Variants in STRN observed in about 807,000 individuals in gnomAD.
The protein encoded by STRN is protein phosphatase 2 regulatory subunit B'''alpha.
In STRN, 53 loss-of-function variants were observed where a neutral mutation model predicts 96.3. The ratio of observed to expected loss-of-function variants is 0.55; its 90% CI spans 0.44 to 0.69. The LOEUF is 0.69. STRN is among the 30% of genes least tolerant of loss of function. STRN has a pLI of 0.00. For missense variants in STRN, 987 were observed against 963.9 expected, an observed-to-expected ratio of 1.02 and a Z score of -0.32; for synonymous variants, 428 against 355.9, an observed-to-expected ratio of 1.20 and a Z score of -2.28.
At chr2:36,947,546 C>A (rs1308312080) in intron 1 of STRN, among the ~76,000 whole-genome samples, 1 of 148,124 alleles carries the variant, frequency 6.8e-6, no homozygotes, top group Non-Finnish European at 1.5e-5. Flanking sequence ...AACTCGGGAA[C>A]ATATATATTA....
intron 1 of STRN, among the ~76,000 whole-genome samples, chr2:36,939,766 G>A (rs566869971): frequency 6.6e-6 from 1 of 152,234 alleles, no homozygotes; most frequent in Non-Finnish European, 1.5e-5. Context: ...GTAAGCATTT[G>A]CTGAACAGAA....
chr2:36,866,101 C>T (rs1441394132), intron 12 of STRN, among the ~76,000 whole-genome samples: 5 of 151,956 alleles, frequency 3.3e-5, no homozygotes, highest in African/African-American at 1.2e-4. Context: ...GACAGGGTAT[C>T]GCTCGCTCTG....
At chr2:36,891,801 A>T (rs1669406876) in intron 7 of STRN, among the ~76,000 whole-genome samples, 1 of 152,196 alleles carries the variant, frequency 6.6e-6, no homozygotes, top group South Asian at 2.1e-4. Context: ...CCTTGAACTT[A>T]TCTAGGAGAG....
At chr2:36,897,889 C>T (rs1669587678) in intron 6 of STRN, among the ~76,000 whole-genome samples, 1 of 151,920 alleles carries the variant, frequency 6.6e-6, no homozygotes, top group Non-Finnish European at 1.5e-5. Flanking sequence ...TGGGGTCTTG[C>T]TATGTTGCCT....
rs1225324047 is a variant in STRN, at chr2:36,846,501, T to C, written c.*2955A>G. On this transcript the variant is annotated 3_prime_UTR_variant, in exon 18 of 18. Transcript: ENST00000263918. ...TAAAATATACATACATTTTAGACAT[T>C]TTCAAATAAATCTTCATCATTATCT... 2 of 144,312 alleles carry C rather than the reference T, an allele frequency of 1.4e-5. No individual in the cohort carries two copies. Among genetic ancestry groups the C allele is most frequent in the East Asian group, 4.0e-4 (2 of 5,046 alleles). 8.9% of individuals were successfully genotyped at this position (144,312 alleles called of 1,614,324 possible).
rs778312778 is a variant in STRN at position 36,899,555 on chromosome 2, C to T, written c.763G>A (p.Gly255Arg). The change falls in exon 6 of 18, where the codon GGA (glycine) becomes AGA (arginine). Residue 255 changes from glycine (G) to arginine (R), a missense_variant. Gly to Arg is a moderately radical substitution (Grantham distance 125). Transcript: ENST00000263918. ...GTATCAATGACGCTTTTCTCTCTTC[C>T]ATCAACATCATCATCTTCATCTTCA... The part of the protein sequence containing the change: ...SDEDEDDDVD[G>R]REKSVIDTST... 1 of 1,612,880 alleles carries T rather than the reference C, an allele frequency of 6.2e-7. No individual in the cohort carries two copies. Among genetic ancestry groups the T allele is most frequent in the South Asian group, 1.1e-5 (1 of 90,880 alleles).
At chr2:36,934,787 G>A (rs1670660360) in intron 1 of STRN, among the ~76,000 whole-genome samples, 1 of 152,002 alleles carries the variant, frequency 6.6e-6, no homozygotes, top group African/African-American at 2.4e-5. Context: ...AATCAAAGTA[G>A]TCAATTAGGC....
At position 36,846,544 on chromosome 2, in the gene STRN, CAAG is replaced by C. The variant is rs1274800902; in HGVS notation, c.*2909_*2911del. ...CATTATCTCCAAAAGAAATTTATAG[CAAG>C]AATACTGAAGGAATGAAAGTCAGAT... is the stretch of plus-strand genomic sequence containing the variant. On this transcript the variant is annotated 3_prime_UTR_variant, in exon 18 of 18. Transcript: ENST00000263918. The C allele has an allele frequency of 6.8e-6, 1 of 147,576 alleles. No individual in the cohort carries two copies. The highest frequency in any genetic ancestry group is 2.1e-4 in the South Asian group (1 of 4,670). The allele number at this position is 147,576 out of a possible 1,614,324, so 9.1% of individuals were successfully genotyped here. A position where few individuals can be genotyped will look rare whatever the true frequency, so the allele number is the denominator to read the frequency against.
intron 9 of STRN, among the ~76,000 whole-genome samples, chr2:36,879,318 C>T (rs1669005947): frequency 6.6e-6 from 1 of 151,186 alleles, no homozygotes; most frequent in South Asian, 2.1e-4. Context: ...GATCCACCGA[C>T]CTTGGCCTCC....
chr2:36,910,397 T>C (rs949450423), intron 3 of STRN, among the ~76,000 whole-genome samples: 3 of 152,014 alleles, frequency 2.0e-5, no homozygotes, highest in Non-Finnish European at 2.9e-5. Context: ...AAAATAACAA[T>C]GGAGTGTGTG....
intron 12 of STRN, among the ~76,000 whole-genome samples, chr2:36,862,570 T>C (rs1668517028): frequency 6.6e-6 from 1 of 152,178 alleles, no homozygotes; most frequent in Admixed American, 6.5e-5. Flanking sequence ...TCTGTTCATG[T>C]TCTTTGCCCA....
chr2:36,952,146 G>A (rs937919710), intron 1 of STRN, among the ~76,000 whole-genome samples: 3 of 152,182 alleles, frequency 2.0e-5, no homozygotes, highest in African/African-American at 7.2e-5. Context: ...GGGTGGGTAG[G>A]CCTGTCTTAC....
chr2:36,949,275 A>C (rs1454363710), intron 1 of STRN, among the ~76,000 whole-genome samples: 1 of 152,252 alleles, frequency 6.6e-6, no homozygotes, highest in African/African-American at 2.4e-5. Flanking sequence ...TCACACAACA[A>C]TGAAATTGTC....
intron 12 of STRN, among the ~76,000 whole-genome samples, chr2:36,862,114 T>G (rs549893376): frequency 7.9e-5 from 12 of 152,344 alleles, no homozygotes; most frequent in African/African-American, 2.9e-4. Flanking sequence ...TTTTTATGGG[T>G]GCATAGTATT....
chr2:36,873,856 T>C (rs942143086), intron 10 of STRN, among the ~76,000 whole-genome samples: 15 of 148,030 alleles, frequency 1.0e-4, no homozygotes, highest in African/African-American at 2.5e-4. Flanking sequence ...GGCAGGAGAA[T>C]TGCTTGAACC....
Position 36,953,244 on chromosome 2 carries a change from T to C in STRN, c.234+12986A>G, listed in dbSNP as rs996233374. Reference sequence around the variant, plus strand: ...GCTCACCTTAATTCCAGGGTTCCTATTCCCTTATTTTTCTCTCCATCTCAT... The same window carrying C: ...GCTCACCTTAATTCCAGGGTTCCTACTCCCTTATTTTTCTCTCCATCTCAT... On this transcript the variant is annotated intron_variant, in intron 1 of 17. Coordinates refer to ENST00000263918, the MANE Select transcript of STRN (RefSeq NM_003162.4). Among the ~76,000 whole-genome samples, 4 of 152,144 alleles carry C rather than the reference T, an allele frequency of 2.6e-5. No homozygotes were observed. In the East Asian group the frequency reaches 5.8e-4, roughly 22 times the overall value.
intron 13 of STRN, among the ~76,000 whole-genome samples, chr2:36,860,575 T>A (rs1450892472): frequency 6.6e-6 from 1 of 152,180 alleles, no homozygotes. Flanking sequence ...CCTAAATAGT[T>A]TTTACAAATG....
intron 1 of STRN, among the ~76,000 whole-genome samples, chr2:36,944,661 A>G (rs1032457238): frequency 5.9e-5 from 9 of 152,198 alleles, no homozygotes; most frequent in African/African-American, 2.2e-4. Context: ...CAAAAAAAGA[A>G]AACTGTTCCT....
At chr2:36,853,349 CA>C (rs769605147) in intron 15 of STRN, among the ~76,000 whole-genome samples, 1 of 151,850 alleles carries the variant, frequency 6.6e-6, no homozygotes, top group African/African-American at 2.4e-5. Context: ...ACAGTAACAA[CA>C]AAAAAAGAAA....
Sources: gnomAD v4.1 joint callset for allele counts (sites outside exome capture counted in the v4.1 genomes callset) on GRCh38, gnomAD v4.1.1 for gene constraint, MANE v1.5 for transcripts, NCBI Gene and HGNC (gene_info 2026-07-23, HGNC 2026-07-21) for gene names.